TSHZ2: variants seen among roughly 807,000 people sequenced by gnomAD.
TSHZ2 encodes the protein teashirt zinc finger homeobox 2.
A neutral mutation model predicts 74.4 loss-of-function variants in TSHZ2; 21 were observed. That is an observed-to-expected ratio of 0.28 (90% confidence interval 0.20 to 0.41). The LOEUF (loss-of-function observed/expected upper bound fraction) is 0.41. Among genes scored for constraint, TSHZ2 ranks in the 10% least tolerant of loss-of-function variants. The pLI is 1.00. For synonymous variants in TSHZ2, 540 were observed against 515.3 expected (o/e 1.05, Z -0.65); for missense variants, 1,244 against 1,293.5 (o/e 0.96, Z 0.59).
chr20:53,220,270 T>C (rs1460398720), intron 1 of TSHZ2, among the ~76,000 whole-genome samples: 2 of 152,222 alleles, frequency 1.3e-5, no homozygotes, highest in South Asian at 4.1e-4. Flanking sequence ...TCAGTGAATA[T>C]TTCAGAATGA....
At chr20:53,067,394 C>CT (rs1985025917) in intron 1 of TSHZ2, among the ~76,000 whole-genome samples, 1 of 152,220 alleles carries the variant, frequency 6.6e-6, no homozygotes, top group Non-Finnish European at 1.5e-5. Context: ...TCTAATGTCA[C>CT]TTGCAGGCTC....
chr20:53,086,352 C>T (rs1985699152), intron 1 of TSHZ2, among the ~76,000 whole-genome samples: 1 of 151,956 alleles, frequency 6.6e-6, no homozygotes, highest in African/African-American at 2.4e-5. Flanking sequence ...CTCAAGATCG[C>T]CATATCTCCA....
intron 2 of TSHZ2, among the ~76,000 whole-genome samples, chr20:53,361,901 GTGTTGT>G (rs140420719): frequency 7.3e-6 from 1 of 137,178 alleles, no homozygotes; most frequent in Non-Finnish European, 1.6e-5. Flanking sequence ...GTTGTTGTTT[GTGTTGT>G]TGTTGTTGTT....
intron 1 of TSHZ2, among the ~76,000 whole-genome samples, chr20:53,037,150 C>T (rs1983852474): frequency 6.6e-6 from 1 of 152,176 alleles, no homozygotes; most frequent in Non-Finnish European, 1.5e-5. Flanking sequence ...TTTCAGGCGC[C>T]GCCTCCGAGG....
Position 53,469,659 on chromosome 20 carries a change from AGGAAGGAAGGAAGGAAGGAAGGAAGGAC to A in TSHZ2, c.*9-17481_*9-17454del, listed in dbSNP as rs1568931994. Among the ~76,000 whole-genome samples the A allele has an allele frequency of 1.2e-4, 7 of 56,922 alleles. 1 individual carries two copies. The highest frequency in any genetic ancestry group is 1.9e-4 in the Non-Finnish European group (5 of 26,962). The allele number at this position is 56,922 out of a possible 152,430, so 37.3% of individuals were successfully genotyped here. Reference sequence around the variant, plus strand: ...GAGGAAGGAAGGAAGGAAGGAAGGAAGGAAGGAAGGAAGGAAGGAAGGAAGGACGGACCCAAGAAAGATAGAGAAAGAG... The same window carrying A: ...GAGGAAGGAAGGAAGGAAGGAAGGAAGGACCCAAGAAAGATAGAGAAAGAG... On this transcript the variant is annotated intron_variant, in intron 2 of 2. Transcript: ENST00000371497.
intron 1 of TSHZ2, among the ~76,000 whole-genome samples, chr20:53,004,648 T>G (rs922234022): frequency 6.6e-6 from 1 of 152,178 alleles, no homozygotes; most frequent in African/African-American, 2.4e-5. Context: ...TCAGGGAAGT[T>G]CTTTTTAAAT....
At chr20:53,105,698 G>A (rs1404472496) in intron 1 of TSHZ2, among the ~76,000 whole-genome samples, 1 of 151,868 alleles carries the variant, frequency 6.6e-6, no homozygotes, top group Non-Finnish European at 1.5e-5. Flanking sequence ...CCAGGCTGGA[G>A]TGCAGTGGTG....
At chr20:53,012,929 TCTCTTTTA>T (rs1982907628) in intron 1 of TSHZ2, among the ~76,000 whole-genome samples, 1 of 152,168 alleles carries the variant, frequency 6.6e-6, no homozygotes, top group African/African-American at 2.4e-5. Context: ...CAGGTTGCTC[TCTCTTTTA>T]CTTTGCCAAA....
rs138652320 is a variant in TSHZ2 at position 53,230,245 on chromosome 20, A to G, written c.41-23254A>G. ...GGCAAATCCCACATTCAAAACAACCATAATAGAAATAAATGAACAGAATAG... is the reference window on the plus strand; with the variant it reads ...GGCAAATCCCACATTCAAAACAACCGTAATAGAAATAAATGAACAGAATAG... On this transcript the variant is annotated intron_variant, in intron 1 of 2. Coordinates refer to ENST00000371497, the MANE Select transcript of TSHZ2 (RefSeq NM_173485.6). Among the ~76,000 whole-genome samples, 333 of 152,380 alleles carry G rather than the reference A, an allele frequency of 2.2e-3. 8 individuals carry two copies. The highest frequency in any genetic ancestry group is 0.017 in the Admixed American group (263 of 15,310).
At chr20:53,275,431 G>A (rs1038001194) in intron 2 of TSHZ2, among the ~76,000 whole-genome samples, 1 of 151,944 alleles carries the variant, frequency 6.6e-6, no homozygotes, top group African/African-American at 2.4e-5. Flanking sequence ...ATCTCAGCAA[G>A]CAAAGTGGCA....
chr20:53,414,557 G>A (rs1983169420), intron 2 of TSHZ2, among the ~76,000 whole-genome samples: 3 of 152,064 alleles, frequency 2.0e-5, no homozygotes, highest in African/African-American at 7.2e-5. Flanking sequence ...GGAGTTCAAG[G>A]CTACAGGCAT....
At chr20:53,157,781 T>G (rs1273978886) in intron 1 of TSHZ2, among the ~76,000 whole-genome samples, 1 of 152,214 alleles carries the variant, frequency 6.6e-6, no homozygotes, top group Non-Finnish European at 1.5e-5. Flanking sequence ...TCCTTGAGTG[T>G]TCTTCATGTA....
intron 1 of TSHZ2, among the ~76,000 whole-genome samples, chr20:53,054,606 A>T (rs1003804771): frequency 2.0e-5 from 3 of 152,212 alleles, no homozygotes; most frequent in African/African-American, 7.2e-5. Flanking sequence ...AGCCAACAGC[A>T]AGAGATGTAG....
intron 2 of TSHZ2, among the ~76,000 whole-genome samples, chr20:53,269,808 G>A (rs11698814): frequency 0.17 from 24,070 of 141,482 alleles, 2,466 homozygotes; most frequent in African/African-American, 0.32. Flanking sequence ...AAAAAAAAAA[G>A]AAAAGAAAAT....
At chr20:53,258,963 G>C (rs533362064) in intron 2 of TSHZ2, among the ~76,000 whole-genome samples, 1 of 152,114 alleles carries the variant, frequency 6.6e-6, no homozygotes, top group Admixed American at 6.5e-5. Context: ...TGTGTTCATC[G>C]TAAAAATACT....
chr20:53,157,405 G>GTTT (rs1987820795), intron 1 of TSHZ2, among the ~76,000 whole-genome samples: 1 of 117,946 alleles, frequency 8.5e-6, no homozygotes, highest in African/African-American at 4.4e-5. Context: ...ACATTGAGTT[G>GTTT]GTTTTTTTTT....
chr20:53,199,518 T>C (rs2123568633), intron 1 of TSHZ2, among the ~76,000 whole-genome samples: 1 of 152,292 alleles, frequency 6.6e-6, no homozygotes, highest in Middle Eastern at 3.4e-3. Context: ...ATGAATATTG[T>C]CTATTCAATG....
chr20:53,225,671 CA>C (rs1989668606), intron 1 of TSHZ2, among the ~76,000 whole-genome samples: 1 of 152,192 alleles, frequency 6.6e-6, no homozygotes, highest in African/African-American at 2.4e-5. Flanking sequence ...AACTGGTACT[CA>C]GAAAAACCAA....
intron 2 of TSHZ2, among the ~76,000 whole-genome samples, chr20:53,347,632 T>C (rs1042735933): frequency 1.0e-5 from 1 of 96,740 alleles, no homozygotes; most frequent in Non-Finnish European, 2.0e-5. Context: ...CCATCTTTTT[T>C]ACTTTTTTTT....
Sources: gnomAD v4.1 joint callset for allele counts (sites outside exome capture counted in the v4.1 genomes callset) on GRCh38, gnomAD v4.1.1 for gene constraint, MANE v1.5 for transcripts, NCBI Gene and HGNC (gene_info 2026-07-23, HGNC 2026-07-21) for gene names.